The following PPP6R1 variants were observed in gnomAD, a reference collection of about 807,000 sequenced individuals.
PPP6R1 encodes the protein protein phosphatase 6 regulatory subunit 1.
Under a neutral mutation model 104.6 loss-of-function variants are expected in PPP6R1, and 39 were observed. That is an observed-to-expected ratio of 0.37 (90% CI 0.29 to 0.49). PPP6R1 has a LOEUF of 0.49. PPP6R1 is among the 20% of genes least tolerant of loss of function. The pLI, the probability that PPP6R1 is intolerant of heterozygous loss-of-function variation, is 0.98. For synonymous variants in PPP6R1, 549 were observed against 479.0 expected (o/e 1.15, Z -1.91); for missense variants, 1,181 against 1,155.8 (o/e 1.02, Z -0.32).
intron 5 of PPP6R1, among the ~76,000 whole-genome samples, chr19:55,242,962 C>G (rs1367364901): frequency 6.6e-6 from 1 of 152,094 alleles, no homozygotes; most frequent in Admixed American, 6.5e-5. Flanking sequence ...AAGACAAATC[C>G]ACAGAGACAG....
In PPP6R1 at chr19:55,242,268, A is replaced by C; in HGVS notation, c.743T>G (p.Ile248Ser). The change falls in exon 7 of 24, where the codon ATT (isoleucine) becomes AGT (serine). Residue 248 changes from isoleucine to serine, a missense_variant. This residue lies in a region of PPP6R1 where 1,042 missense variants were observed against 955.6 expected (regional missense o/e 1.09). Coordinates refer to ENST00000412770, the MANE Select transcript of PPP6R1 (RefSeq NM_014931.4). ...GAACATGTTGCTTAAGAGCTGCTCA[A>C]TCGTCTCCTGCCTGCGGGGGCAGGG... ...LLATLEKQET[I>S]EQLLSNMFEG... 1 of 1,613,828 alleles carries C rather than the reference A, an allele frequency of 6.2e-7. No individual in the cohort carries two copies. The highest frequency in any genetic ancestry group is 8.5e-7 in the Non-Finnish European group (1 of 1,179,826).
At position 55,241,525 on chromosome 19, in the gene PPP6R1, T is replaced by C; in HGVS notation, c.960A>G (p.Leu320=). 2 of 1,585,350 alleles carry C rather than the reference T, an allele frequency of 1.3e-6. No individual in the cohort carries two copies. The highest frequency in any genetic ancestry group is 1.7e-6 in the Non-Finnish European group (2 of 1,166,790). Residue 320 remains leucine, a synonymous_variant, in exon 8 of 24, where the codon CTA becomes CTG. Coordinates refer to ENST00000412770, the MANE Select transcript of PPP6R1 (RefSeq NM_014931.4). This position sits in a 1 kb window ranked among gnomAD's most constrained non-coding sequence, Gnocchi z 5.4. ...GGTGGAAGCAGCTGAGCCGCGGGCG[T>C]AGGGCGTGCAAGGCGCCCACACTGG... ...TVSSVGALHA[L]RPRLSCFHQL...
chr19:55,247,931 G>T (rs563979841), intron 1 of PPP6R1, among the ~76,000 whole-genome samples: 1 of 152,196 alleles, frequency 6.6e-6, no homozygotes, highest in Non-Finnish European at 1.5e-5. Context: ...GGCAACACCC[G>T]GCCCTGACCC....
intron 1 of PPP6R1, among the ~76,000 whole-genome samples, chr19:55,257,987 T>C (rs2087606885): frequency 1.3e-5 from 2 of 151,868 alleles, no homozygotes. Context: ...AGTCCTGAGC[T>C]CCGGGGATCT....
intron 10 of PPP6R1, 110 bp downstream of exon 10, chr19:55,240,835 A>G: frequency 2.1e-6 from 3 of 1,431,256 alleles, no homozygotes; most frequent in Non-Finnish European, 2.8e-6. Flanking sequence ...GGCACCTAAC[A>G]CTACCCAACA....
At chr19:55,243,580 G>A (rs1215343474) in intron 5 of PPP6R1, among the ~76,000 whole-genome samples, 1 of 151,886 alleles carries the variant, frequency 6.6e-6, no homozygotes, top group East Asian at 1.9e-4. Flanking sequence ...CAGGAGGATT[G>A]CTTGAGCCCA....
intron 21 of PPP6R1, 151 bp downstream of exon 21, chr19:55,231,259 G>A (rs1002138821): frequency 4.1e-6 from 4 of 979,954 alleles, no homozygotes; most frequent in East Asian, 2.6e-5. Context: ...CCTACAGAGT[G>A]CAAGGGGCTG....
chr19:55,241,758 A>G lies in PPP6R1; in HGVS notation c.846-119T>C. 8.0e-7 allele frequency: 1 copy of G among 1,247,490 alleles called. No individual in the cohort carries two copies. Among genetic ancestry groups the G allele is most frequent in the Non-Finnish European group, 1.1e-6 (1 of 917,970 alleles). The allele number at this position is 1,247,490 out of a possible 1,614,324, so 77.3% of individuals were successfully genotyped here. A position where few individuals can be genotyped will look rare whatever the true frequency, so the allele number is the denominator to read the frequency against. On this transcript the variant is annotated intron_variant, in intron 7 of 23. Coordinates refer to ENST00000412770, the MANE Select transcript of PPP6R1 (RefSeq NM_014931.4). The surrounding 1 kb of genome is among the most constrained non-coding windows in gnomAD (Gnocchi z 5.4). ...GGAAAACGAGGAGCCACATGCCCCC[A>G]GCGCCGCTCTCTTCTGAGGCCCTTC...
intron 1 of PPP6R1, 112 bp from the exon 2 acceptor site, chr19:55,247,221 G>T: frequency 8.9e-7 from 1 of 1,126,712 alleles, no homozygotes; most frequent in Non-Finnish European, 1.3e-6. Flanking sequence ...CTCTCCCCAA[G>T]TCCCAGCCCT....
chr19:55,230,738 A>ACCG, intron 22 of PPP6R1, 36 bp downstream of exon 22: 7 of 925,616 alleles, frequency 7.6e-6, no homozygotes, highest in Non-Finnish European at 1.1e-5. Context: ...CACCAGCCCC[A>ACCG]CCCCCACCCC....
chr19:55,228,257 G>A (rs763619243), downstream of PPP6R1: 1 of 1,612,682 alleles, frequency 6.2e-7, no homozygotes, highest in Non-Finnish European at 8.5e-7. Flanking sequence ...AGGGCTCCCT[G>A]GAGGAGCTGG....
chr19:55,242,946 T>C (rs1158097941), intron 5 of PPP6R1, among the ~76,000 whole-genome samples: 2 of 152,122 alleles, frequency 1.3e-5, no homozygotes, highest in African/African-American at 4.8e-5. Flanking sequence ...TTATATGAAA[T>C]GTCCAAAGAC....
chr19:55,231,892 G>C lies in PPP6R1; in HGVS notation c.2216C>G (p.Pro739Arg), dbSNP rs769436739. The C allele has an allele frequency of 9.2e-6, 14 of 1,516,312 alleles. No individual in the cohort carries two copies. The highest frequency in any genetic ancestry group is 1.2e-5 in the Non-Finnish European group (14 of 1,130,798). The allele number at this position is 1,516,312 out of a possible 1,614,324, so 93.9% of individuals were successfully genotyped here. ...ACTGAGGGGCCCCTGTGGGGCTGGA[G>C]GCCCAGTGTGCAGCTCTTCCTCCCC... ...VSGEEELHTG[P>R]PAPQGPLSVP... The change falls in exon 19 of 24, where the codon CCT (proline) becomes CGT (arginine). Residue 739 changes from proline (P) to arginine (R), a missense_variant. Around this residue, in one of 2 missense-constraint regions of PPP6R1, gnomAD observed 1,042 missense variants for 955.6 expected, o/e 1.09. Coordinates refer to ENST00000412770, the MANE Select transcript of PPP6R1 (RefSeq NM_014931.4).
intron 17 of PPP6R1, chr19:55,232,424 G>A (rs894306868): frequency 1.6e-6 from 1 of 634,820 alleles, no homozygotes. Context: ...GGCAGGGACA[G>A]AATGCGGCCG....
intron 15 of PPP6R1, chr19:55,239,099 A>G (rs2087424873): frequency 2.6e-6 from 1 of 382,970 alleles, no homozygotes; most frequent in Non-Finnish European, 5.0e-6. Context: ...TGGAACCCCT[A>G]AGGCTAGCTC....
intron 1 of PPP6R1, among the ~76,000 whole-genome samples, chr19:55,254,982 G>C (rs575578868): frequency 3.3e-5 from 5 of 152,356 alleles, no homozygotes; most frequent in African/African-American, 1.2e-4. Context: ...GGAGGAACCA[G>C]GGACACCAAT....
chr19:55,245,056 G>GTGGGGAAGTGGGCA lies in PPP6R1; in HGVS notation c.618+50_618+63dup. 12 of 1,580,658 alleles carry GTGGGGAAGTGGGCA rather than the reference G, an allele frequency of 7.6e-6. No homozygotes were observed. The highest frequency in any genetic ancestry group is 9.5e-6 in the Non-Finnish European group (11 of 1,160,546). ...TCCAGCCCCAATTCCTCTTTTAAAA[G>GTGGGGAAGTGGGCA]TGGGGAAGTGGGCATGGGGAAGGAA... On this transcript the variant is annotated intron_variant, in intron 5 of 23. Coordinates refer to ENST00000412770, the MANE Select transcript of PPP6R1 (RefSeq NM_014931.4). The surrounding 1 kb of genome is among the most constrained non-coding windows in gnomAD (Gnocchi z 6.4).
At chr19:55,251,645 C>A (rs992122496) in intron 1 of PPP6R1, among the ~76,000 whole-genome samples, 3 of 152,208 alleles carry the variant, frequency 2.0e-5, no homozygotes, top group African/African-American at 7.2e-5. Context: ...CCCACCTCCC[C>A]ACTTCTGCCC....
chr19:55,234,215 G>A (rs2087374556), intron 17 of PPP6R1, among the ~76,000 whole-genome samples: 1 of 152,102 alleles, frequency 6.6e-6, no homozygotes, highest in African/African-American at 2.4e-5. Flanking sequence ...CCAAAGTGCT[G>A]GGATTACAGG....
Sources: gnomAD v4.1 joint callset for allele counts (sites outside exome capture counted in the v4.1 genomes callset) on GRCh38, gnomAD v4.1.1 for gene constraint, gnomAD v4.1.1 regional missense constraint, Gnocchi (gnomAD v3.1) non-coding constraint, MANE v1.5 for transcripts, NCBI Gene and HGNC (gene_info 2026-07-23, HGNC 2026-07-21) for gene names.